Variants in SMIM8 observed in about 807,000 individuals in gnomAD.
SMIM8 encodes the protein small integral membrane protein 8, also known as UPF0708 protein C6orf162.
Under a neutral mutation model 8.1 loss-of-function variants are expected in SMIM8, and 8 were observed. The observed-to-expected ratio is 0.99, with a 90% CI of 0.58 to 1.78. SMIM8 has a LOEUF of 1.78. Among genes scored for constraint, SMIM8 ranks in the 40% most tolerant of loss-of-function variants. The pLI is 0.00. For missense variants in SMIM8, 126 were observed against 119.8 expected (o/e 1.05, Z -0.24); for synonymous variants, 45 against 39.7 (o/e 1.13, Z -0.50).
intron 1 of SMIM8, among the ~76,000 whole-genome samples, chr6:87,327,485 A>G (rs1435575685): frequency 1.3e-5 from 2 of 151,400 alleles, no homozygotes; most frequent in African/African-American, 2.4e-5. Context: ...GCTTGTCTGT[A>G]AAGTATTTTA....
At position 87,337,190 on chromosome 6, in the gene SMIM8, A is replaced by G. The variant is rs1777133966; in HGVS notation, c.135+24A>G. On this transcript the variant is annotated intron_variant, in intron 3 of 3. Transcript: ENST00000392863. ...CTGTAAGAAATACATCCAGGATAAG[A>G]CTTTGTGTTTAATCCAACCAGACTG... 2.5e-6 allele frequency: 4 copies of G among 1,570,604 alleles called. No homozygotes were observed. In the Middle Eastern group the frequency reaches 5.1e-4, roughly 199 times the overall value.
chr6:87,322,900 T>G (rs1482230887), intron 1 of SMIM8: 2 of 152,432 alleles, frequency 1.3e-5, no homozygotes, highest in Non-Finnish European at 2.9e-5. Flanking sequence ...GCTTCATCCA[T>G]GGACACCCCC....
At position 87,340,348 on chromosome 6, in the gene SMIM8, A is replaced by G. The variant is rs1484786942; in HGVS notation, c.*74A>G. 3 of 1,347,548 alleles carry G rather than the reference A, an allele frequency of 2.2e-6. No homozygotes were observed. The highest frequency in any genetic ancestry group is 3.0e-5 in the African/African-American group (2 of 66,608). 83.5% of individuals were successfully genotyped at this position (1,347,548 alleles called of 1,614,324 possible). A position where few individuals can be genotyped will look rare whatever the true frequency, so the allele number is the denominator to read the frequency against. ...CAAATGAAAGACCTTGTGAGTGTAC[A>G]GTATCATGTTTCTTGTTCTAGAACA... On this transcript the variant is annotated 3_prime_UTR_variant, in exon 4 of 4. Coordinates refer to ENST00000392863, the MANE Select transcript of SMIM8 (RefSeq NM_001042493.3).
intron 1 of SMIM8, among the ~76,000 whole-genome samples, chr6:87,326,463 T>C (rs1045050225): frequency 6.6e-6 from 1 of 152,198 alleles, no homozygotes; most frequent in African/African-American, 2.4e-5. Flanking sequence ...TCTGGTATTT[T>C]GTGTCTTTGT....
intron 2 of SMIM8, among the ~76,000 whole-genome samples, chr6:87,331,363 T>C (rs1309064633): frequency 6.6e-6 from 1 of 152,226 alleles, no homozygotes; most frequent in East Asian, 1.9e-4. Context: ...ATTAGTTTTG[T>C]ACTTGAAAAC....
intron 2 of SMIM8, among the ~76,000 whole-genome samples, chr6:87,334,258 G>A (rs553868726): frequency 2.0e-5 from 3 of 152,310 alleles, no homozygotes; most frequent in South Asian, 4.1e-4. Context: ...AGCTTATCAG[G>A]CATGGTGAGT....
intron 1 of SMIM8, among the ~76,000 whole-genome samples, chr6:87,325,004 T>C (rs937942165): frequency 6.6e-6 from 1 of 152,008 alleles, no homozygotes; most frequent in African/African-American, 2.4e-5. Flanking sequence ...TAAGTTGGAT[T>C]CCTAGGTATT....
At chr6:87,340,056 T>C in intron 3 of SMIM8, 60 bp from the exon 4 acceptor site, 1 of 1,396,610 alleles carries the variant, frequency 7.2e-7, no homozygotes, top group Non-Finnish European at 9.4e-7. Context: ...GCAACCGATA[T>C]TTGGGTCTCC....
At chr6:87,326,524 A>T (rs1394366222) in intron 1 of SMIM8, among the ~76,000 whole-genome samples, 3 of 150,888 alleles carry the variant, frequency 2.0e-5, no homozygotes, top group African/African-American at 7.3e-5. Context: ...TTCGTTATGT[A>T]CCCAGTAGTC....
At chr6:87,325,412 A>C (rs967255519) in intron 1 of SMIM8, among the ~76,000 whole-genome samples, 1 of 147,312 alleles carries the variant, frequency 6.8e-6, no homozygotes, top group African/African-American at 2.6e-5. Flanking sequence ...TTTGTCATAG[A>C]TAGCTCTTAT....
At chr6:87,328,620 C>T (rs1776903583) in intron 1 of SMIM8, among the ~76,000 whole-genome samples, 1 of 152,198 alleles carries the variant, frequency 6.6e-6, no homozygotes, top group Admixed American at 6.5e-5. Flanking sequence ...CTCAGATCTC[C>T]AGCTGCGTGC....
Position 87,341,171 on chromosome 6 carries a change from T to C in SMIM8, c.*897T>C, listed in dbSNP as rs1408351782. 1 of 397,714 alleles carries C rather than the reference T, an allele frequency of 2.5e-6. No homozygotes were observed. The highest frequency in any genetic ancestry group is 4.4e-6 in the Non-Finnish European group (1 of 225,648). 24.6% of individuals were successfully genotyped at this position (397,714 alleles called of 1,614,324 possible). ...AGATAAGGTCTCCTTATTGTACCTTTTTTTTCTTTTGAAGTTTATATGCCA... is the reference window on the plus strand; with the variant it reads ...AGATAAGGTCTCCTTATTGTACCTTCTTTTTCTTTTGAAGTTTATATGCCA... On this transcript the variant is annotated 3_prime_UTR_variant, in exon 4 of 4. Coordinates refer to ENST00000392863, the MANE Select transcript of SMIM8 (RefSeq NM_001042493.3).
At chr6:87,328,171 A>G (rs1157213985) in intron 1 of SMIM8, among the ~76,000 whole-genome samples, 1 of 152,110 alleles carries the variant, frequency 6.6e-6, no homozygotes, top group Non-Finnish European at 1.5e-5. Flanking sequence ...CTTTTTTCAA[A>G]GTTTTCAACT....
chr6:87,325,857 G>A (rs565139716), intron 1 of SMIM8, among the ~76,000 whole-genome samples: 64 of 152,192 alleles, frequency 4.2e-4, no homozygotes, highest in Non-Finnish European at 8.4e-4. Context: ...GTTCCTCCTT[G>A]TACCTCTGTT....
rs1302017678 is a variant in SMIM8, at chr6:87,340,137, G to A, written c.157G>A (p.Gly53Arg). The A allele has an allele frequency of 8.8e-6, 14 of 1,582,804 alleles. No individual in the cohort carries two copies. The highest frequency in any genetic ancestry group is 2.3e-5 in the East Asian group (1 of 43,608). The part of the protein sequence containing the change: ...IKPNKPVMAF[G>R]LVTLSLCVAY... ...ACAGAACAAACCTGTAATGGCTTTC[G>A]GATTGGTAACTCTTTCACTTTGCGT... Residue 53 changes from glycine to arginine, a missense_variant, in exon 4 of 4, where the codon GGA becomes AGA. Coordinates refer to ENST00000392863, the MANE Select transcript of SMIM8 (RefSeq NM_001042493.3).
chr6:87,334,306 A>G (rs758094711), intron 2 of SMIM8, among the ~76,000 whole-genome samples: 2 of 152,230 alleles, frequency 1.3e-5, no homozygotes, highest in African/African-American at 2.4e-5. Context: ...AACTTTGGGC[A>G]TATTCTGGAA....
intron 2 of SMIM8, among the ~76,000 whole-genome samples, chr6:87,335,219 C>T (rs964714065): frequency 2.6e-5 from 4 of 152,178 alleles, no homozygotes; most frequent in Admixed American, 1.3e-4. Flanking sequence ...AAGAAGACTG[C>T]AACTAAATGT....
intron 2 of SMIM8, among the ~76,000 whole-genome samples, chr6:87,332,141 A>G (rs451089): frequency 0.43 from 64,781 of 151,492 alleles, 14,223 homozygotes; most frequent in Non-Finnish European, 0.48. Context: ...AATAAAATTA[A>G]GTCATCACAA....
chr6:87,338,473 A>G (rs242279), intron 3 of SMIM8, among the ~76,000 whole-genome samples: 65,885 of 152,082 alleles, frequency 0.43, 14,620 homozygotes, highest in Non-Finnish European at 0.48. Context: ...AATGACATTG[A>G]TTAGTAATTA....
Sources: allele counts gnomAD v4.1 joint callset (sites outside exome capture counted in the v4.1 genomes callset), GRCh38; gene constraint gnomAD v4.1.1; transcripts MANE v1.5; gene names NCBI Gene and HGNC (gene_info 2026-07-23, HGNC 2026-07-21).